Variants in PRKN observed in about 807,000 individuals in gnomAD.
PRKN encodes parkin RBR E3 ubiquitin protein ligase.
Under a neutral mutation model 59.5 loss-of-function variants are expected in PRKN, and 56 were observed. The observed-to-expected ratio is 0.94, with a 90% confidence interval of 0.76 to 1.18. The LOEUF (loss-of-function observed/expected upper bound fraction) is 1.18, where lower values mean the gene tolerates loss of function less well. Among genes scored for constraint, PRKN ranks in the 50% most tolerant of loss-of-function variants. The pLI, the probability that PRKN is intolerant of heterozygous loss-of-function variation, is 0.00. For synonymous variants in PRKN, 250 were observed against 222.1 expected, an observed-to-expected ratio of 1.13 and a Z score of -1.12; for missense variants, 657 against 596.4, an observed-to-expected ratio of 1.10 and a Z score of -1.06.
chr6:161,545,245 C>A lies in PRKN; in HGVS notation c.1083+3609G>T. The A allele has an allele frequency of 7.3e-7, 1 of 1,376,042 alleles. No individual in the cohort carries two copies. Among genetic ancestry groups the A allele is most frequent in the South Asian group, 2.0e-5 (1 of 50,902 alleles). The allele number at this position is 1,376,042 out of a possible 1,614,324, so 85.2% of individuals were successfully genotyped here. ...AAAAAATTAAGCACGGGTGAATTCA[C>A]AGGCATCTTACAATAAATCTGTGAA... On this transcript the variant is annotated intron_variant, in intron 9 of 11. Transcript: ENST00000366898. The surrounding 1 kb of genome is among the most constrained non-coding windows in gnomAD (Gnocchi z 4.1).
chr6:161,797,192 C>A (rs1274878763), intron 6 of PRKN, among the ~76,000 whole-genome samples: 10 of 152,290 alleles, frequency 6.6e-5, no homozygotes, highest in African/African-American at 2.2e-4. Context: ...GTTTTTCATT[C>A]ATTCTTAAAA....
At chr6:161,557,212 G>C (rs1488997255) in intron 8 of PRKN, among the ~76,000 whole-genome samples, 1 of 151,994 alleles carries the variant, frequency 6.6e-6, no homozygotes, top group Non-Finnish European at 1.5e-5. Flanking sequence ...ATTTCTTTGG[G>C]GAGTAAATTA....
At chr6:161,517,761 A>AAAAT (rs1554270595) in intron 9 of PRKN, among the ~76,000 whole-genome samples, 4 of 149,504 alleles carry the variant, frequency 2.7e-5, no homozygotes, top group African/African-American at 9.8e-5. Flanking sequence ...AAAAAAAAAA[A>AAAAT]AAAAGAGTTG....
chr6:162,607,712 C>A (rs1160091245), intron 1 of PRKN, among the ~76,000 whole-genome samples: 2 of 151,888 alleles, frequency 1.3e-5, no homozygotes, highest in African/African-American at 4.8e-5. Context: ...GGGAGATTTG[C>A]CTTAGGATGC....
At chr6:162,563,489 T>C (rs761782432) in intron 1 of PRKN, among the ~76,000 whole-genome samples, 3 of 152,198 alleles carry the variant, frequency 2.0e-5, no homozygotes, top group Non-Finnish European at 4.4e-5. Context: ...TAGATACAGC[T>C]TAGATCACAA....
chr6:162,460,034 G>GA (rs1376910023), intron 1 of PRKN, among the ~76,000 whole-genome samples: 1 of 152,122 alleles, frequency 6.6e-6, no homozygotes, highest in Non-Finnish European at 1.5e-5. Flanking sequence ...TGATAGAAAT[G>GA]AAAAATATGT....
Position 161,362,990 on chromosome 6 carries a change from C to T in PRKN, c.1168-2785G>A, listed in dbSNP as rs1785034405. The stretch of plus-strand genomic sequence containing the variant: ...GGCATGGTGGCTCACACCTGTAATC[C>T]CAGCACTTTGGGAGGCTGAGGCAGG... On this transcript the variant is annotated intron_variant, in intron 10 of 11. Coordinates refer to ENST00000366898, the MANE Select transcript of PRKN (RefSeq NM_004562.3). The surrounding 1 kb of genome is among the most constrained non-coding windows in gnomAD (Gnocchi z 5.2). 6.6e-6 allele frequency among the ~76,000 whole-genome samples: 1 copy of T among 152,170 alleles called. No homozygotes were observed. Among genetic ancestry groups the T allele is most frequent in the African/African-American group, 2.4e-5 (1 of 41,420 alleles).
At chr6:161,837,291 T>C (rs999004495) in intron 6 of PRKN, among the ~76,000 whole-genome samples, 1 of 152,032 alleles carries the variant, frequency 6.6e-6, no homozygotes, top group Non-Finnish European at 1.5e-5. Flanking sequence ...TGAATAAACA[T>C]TGAAGAGGAA....
At chr6:162,246,420 A>G (rs1163080334) in intron 3 of PRKN, among the ~76,000 whole-genome samples, 1 of 152,174 alleles carries the variant, frequency 6.6e-6, no homozygotes, top group Non-Finnish European at 1.5e-5. Context: ...CACAAAAAAT[A>G]GATTTTGGTT....
At chr6:162,146,836 T>A (rs1782051238) in intron 4 of PRKN, among the ~76,000 whole-genome samples, 1 of 151,866 alleles carries the variant, frequency 6.6e-6, no homozygotes, top group Non-Finnish European at 1.5e-5. Context: ...GCTCAAGTGA[T>A]TCTCTTGACT....
intron 2 of PRKN, among the ~76,000 whole-genome samples, chr6:162,331,778 T>C (rs1033522300): frequency 6.6e-6 from 1 of 152,210 alleles, no homozygotes. Context: ...ACGTGTCTGA[T>C]TGACCTGGCA....
Position 162,162,775 on chromosome 6 carries a change from C to T in PRKN, c.534+38356G>A, listed in dbSNP as rs892830870. On this transcript the variant is annotated intron_variant, in intron 4 of 11. Coordinates refer to ENST00000366898, the MANE Select transcript of PRKN (RefSeq NM_004562.3). ...CTGTAATCCCAGCACTTTGGGAGGC[C>T]GAGGCAGGCGGATCACAAGGTAAGG... is the stretch of plus-strand genomic sequence containing the variant. 6.3e-4 allele frequency among the ~76,000 whole-genome samples: 95 copies of T among 150,052 alleles called. 1 individual carries two copies. The highest frequency in any genetic ancestry group is 2.3e-3 in the African/African-American group (92 of 40,274).
intron 1 of PRKN, among the ~76,000 whole-genome samples, chr6:162,475,871 C>T (rs545557647): frequency 6.6e-6 from 1 of 152,118 alleles, no homozygotes; most frequent in East Asian, 1.9e-4. Context: ...CCTGCCTCAG[C>T]CTCCCAAGTA....
At chr6:162,399,772 T>A in intron 2 of PRKN, among the ~76,000 whole-genome samples, 1 of 149,446 alleles carries the variant, frequency 6.7e-6, no homozygotes, top group Admixed American at 6.6e-5. Flanking sequence ...ACAGAGAAAC[T>A]TAAGGAACAA....
chr6:162,050,470 C>T (rs1166166750), intron 5 of PRKN, among the ~76,000 whole-genome samples: 4 of 33,586 alleles, frequency 1.2e-4, no homozygotes, highest in Non-Finnish European at 2.0e-4. Context: ...ATTTCACCCC[C>T]TCTCTTTTTT....
chr6:162,002,601 C>A (rs913875975), intron 5 of PRKN, among the ~76,000 whole-genome samples: 3 of 149,128 alleles, frequency 2.0e-5, no homozygotes, highest in African/African-American at 7.4e-5. Context: ...TTGCTTCATT[C>A]ATTTTTCTCT....
chr6:161,701,007 A>C (rs59996420), intron 7 of PRKN, among the ~76,000 whole-genome samples: 60 of 152,242 alleles, frequency 3.9e-4, no homozygotes, highest in African/African-American at 1.4e-3. Flanking sequence ...AGACAACTTC[A>C]TTTTATAGAG....
chr6:161,748,321 T>G (rs2128193792), intron 7 of PRKN, among the ~76,000 whole-genome samples: 1 of 152,030 alleles, frequency 6.6e-6, no homozygotes, highest in South Asian at 2.1e-4. Context: ...TTTTTCTTTC[T>G]CCTTTTTGCT....
At chr6:161,619,793 G>A (rs1469912180) in intron 7 of PRKN, among the ~76,000 whole-genome samples, 3 of 152,052 alleles carry the variant, frequency 2.0e-5, no homozygotes, top group Admixed American at 6.5e-5. Flanking sequence ...TGAAATACAT[G>A]CTGGATTTTG....
Sources: allele counts gnomAD v4.1 joint callset (sites outside exome capture counted in the v4.1 genomes callset), GRCh38; gene constraint gnomAD v4.1.1; non-coding constraint Gnocchi (gnomAD v3.1); transcripts MANE v1.5; gene names NCBI Gene and HGNC (gene_info 2026-07-23, HGNC 2026-07-21).